SEPTIN2: variants seen among roughly 807,000 people sequenced by gnomAD.
SEPTIN2 encodes the protein septin 2.
SEPTIN2 carries 34 observed loss-of-function variants against 46.5 expected under a neutral mutation model. The observed-to-expected ratio is 0.73, with a 90% CI of 0.56 to 0.97. The LOEUF is 0.97. SEPTIN2 is among the 50% of genes least tolerant of loss of function. The probability of loss-of-function intolerance (pLI) is 0.00; values close to 1 mark genes in which losing one functional copy is unlikely to be tolerated. For synonymous variants in SEPTIN2, 175 were observed against 153.4 expected (o/e 1.14, Z -1.04); for missense variants, 347 against 448.4 (o/e 0.77, Z 2.04).
intron 2 of SEPTIN2, among the ~76,000 whole-genome samples, chr2:241,325,658 A>G (rs1188593555): frequency 6.6e-6 from 1 of 152,210 alleles, no homozygotes; most frequent in Non-Finnish European, 1.5e-5. Context: ...GGAACTCCAT[A>G]GTCTCTCAAG....
intron 3 of SEPTIN2, among the ~76,000 whole-genome samples, chr2:241,334,739 TGTG>T (rs1366993326): frequency 1.3e-5 from 2 of 152,174 alleles, no homozygotes; most frequent in Non-Finnish European, 2.9e-5. Context: ...TTTCTGAAAA[TGTG>T]GTGAGTTTAG....
At chr2:241,339,616 C>T (rs759480252) in intron 7 of SEPTIN2, among the ~76,000 whole-genome samples, 3 of 152,134 alleles carry the variant, frequency 2.0e-5, no homozygotes, top group Non-Finnish European at 4.4e-5. Context: ...GTCCAGTTTC[C>T]TGCTGATGAA....
chr2:241,326,775 G>A (rs2078044327), intron 3 of SEPTIN2, among the ~76,000 whole-genome samples: 1 of 152,208 alleles, frequency 6.6e-6, no homozygotes, highest in South Asian at 2.1e-4. Context: ...GCCAATGGCT[G>A]TGTAAGTGAC....
At chr2:241,316,424 G>T in intron 1 of SEPTIN2, 1 of 1,186,712 alleles carries the variant, frequency 8.4e-7, no homozygotes, top group Non-Finnish European at 1.1e-6. Context: ...TCCCTGAGGC[G>T]TGGAGGACTG....
At chr2:241,331,381 T>C (rs551713241) in intron 3 of SEPTIN2, among the ~76,000 whole-genome samples, 4 of 152,354 alleles carry the variant, frequency 2.6e-5, no homozygotes, top group South Asian at 2.1e-4. Context: ...GGAACTATTA[T>C]GCCCTTTCTC....
chr2:241,333,805 G>A (rs916003901), intron 3 of SEPTIN2, among the ~76,000 whole-genome samples: 1 of 152,178 alleles, frequency 6.6e-6, no homozygotes, highest in Non-Finnish European at 1.5e-5. Context: ...GCCCGGCTGT[G>A]CGTCTGCACA....
At chr2:241,333,795 G>A (rs769518452) in intron 3 of SEPTIN2, among the ~76,000 whole-genome samples, 24 of 152,192 alleles carry the variant, frequency 1.6e-4, no homozygotes, top group Non-Finnish European at 2.6e-4. Context: ...GGGCCACCGC[G>A]CCCGGCTGTG....
At chr2:241,342,424 C>T (rs2150135174) in intron 7 of SEPTIN2, among the ~76,000 whole-genome samples, 1 of 151,826 alleles carries the variant, frequency 6.6e-6, no homozygotes, top group South Asian at 2.1e-4. Flanking sequence ...GTTAGTCTTC[C>T]TGCTGCTTTG....
intron 10 of SEPTIN2, 73 bp downstream of exon 10, chr2:241,346,322 A>G: frequency 8.6e-7 from 1 of 1,167,988 alleles, no homozygotes; most frequent in Admixed American, 2.0e-5. Flanking sequence ...CTATGTGTTC[A>G]GCTCAGCCTT....
intron 3 of SEPTIN2, among the ~76,000 whole-genome samples, chr2:241,327,454 G>A (rs1342943752): frequency 6.7e-6 from 1 of 150,212 alleles, no homozygotes; most frequent in Non-Finnish European, 1.5e-5. Flanking sequence ...GTGTCCTTTG[G>A]TACATTGTGA....
rs1406641488 is a variant in SEPTIN2 at position 241,346,085 on chromosome 2, A to G, written c.843-81A>G. Reference sequence around the variant, plus strand: ...AATTTTAATTACTGCTATTTCTTCTATGTACTTGATGGGTGGTTTTTTTTC... The same window carrying G: ...AATTTTAATTACTGCTATTTCTTCTGTGTACTTGATGGGTGGTTTTTTTTC... On this transcript the variant is annotated intron_variant, in intron 9 of 12. Coordinates refer to ENST00000391971, the MANE Select transcript of SEPTIN2 (RefSeq NM_004404.5). 18 of 911,850 alleles carry G rather than the reference A, an allele frequency of 2.0e-5. No individual in the cohort carries two copies. The Middle Eastern group carries it at 7.0e-4, about 35-fold the overall frequency. 56.5% of individuals were successfully genotyped at this position (911,850 alleles called of 1,614,324 possible). A position where few individuals can be genotyped will look rare whatever the true frequency, so the allele number is the denominator to read the frequency against.
chr2:241,335,867 C>A, intron 4 of SEPTIN2, 108 bp from the exon 5 acceptor site: 1 of 1,398,504 alleles, frequency 7.2e-7, no homozygotes, highest in Non-Finnish European at 1.0e-6. Context: ...CTTTGGAGAA[C>A]CTACCTCTGT....
At chr2:241,348,034 T>TA in intron 10 of SEPTIN2, 100 bp from the exon 11 acceptor site, 1 of 902,290 alleles carries the variant, frequency 1.1e-6, no homozygotes, top group Non-Finnish European at 1.8e-6. Context: ...AGAGAAATGA[T>TA]AAATACATGT....
intron 4 of SEPTIN2, 65 bp downstream of exon 4, chr2:241,335,277 T>A: frequency 3.8e-6 from 6 of 1,583,596 alleles, no homozygotes; most frequent in Non-Finnish European, 5.2e-6. Flanking sequence ...ACTGCCTAAT[T>A]AATATTTTAT....
chr2:241,316,399 A>G lies in SEPTIN2; in HGVS notation c.-18+417A>G, dbSNP rs1575094400. The stretch of plus-strand genomic sequence containing the variant: ...GCTTGTGTGGCCATCTTGTCTTTCT[A>G]ACGGTGCCATTTCCTCCCTGAGGCG... On this transcript the variant is annotated intron_variant, in intron 1 of 12. Coordinates refer to ENST00000391971, the MANE Select transcript of SEPTIN2 (RefSeq NM_004404.5). The G allele has an allele frequency of 5.3e-6, 5 of 939,662 alleles. No homozygotes were observed. The East Asian group carries it at 1.3e-4, about 24-fold the overall frequency. The allele number at this position is 939,662 out of a possible 1,614,324, so 58.2% of individuals were successfully genotyped here.
intron 1 of SEPTIN2, among the ~76,000 whole-genome samples, chr2:241,321,167 GT>G (rs927839942): frequency 6.6e-6 from 1 of 152,050 alleles, no homozygotes; most frequent in African/African-American, 2.4e-5. Context: ...TAAATCAGAT[GT>G]ATTTGTTGTA....
At chr2:241,349,650 G>A (rs13428281) in intron 11 of SEPTIN2, among the ~76,000 whole-genome samples, 5,196 of 151,972 alleles carry the variant, frequency 0.034, 284 homozygotes, top group African/African-American at 0.12. Flanking sequence ...GTGAAACCCC[G>A]TCTCTACTGA....
In SEPTIN2 at chr2:241,350,085, C is replaced by G; in HGVS notation, c.997C>G (p.Gln333Glu). 4 of 1,614,010 alleles carry G rather than the reference C, an allele frequency of 2.5e-6. No individual in the cohort carries two copies. The highest frequency in any genetic ancestry group is 3.4e-6 in the Non-Finnish European group (4 of 1,179,934). Reference protein sequence around the residue: ...LEKEAELRRMQEMIARMQAQM... With the variant: ...LEKEAELRRMEEMIARMQAQM... ...TGTGTGTTCACAGCTCCGCCGCATG[C>G]AAGAGATGATTGCAAGGATGCAGGC... Residue 333 changes from glutamine (Q) to glutamate (E), a missense_variant, in exon 12 of 13, where the codon CAA becomes GAA. Transcript: ENST00000391971.
At chr2:241,331,920 A>C (rs542778052) in intron 3 of SEPTIN2, among the ~76,000 whole-genome samples, 1 of 152,286 alleles carries the variant, frequency 6.6e-6, no homozygotes, top group Admixed American at 6.5e-5. Flanking sequence ...TAATAAGTTC[A>C]ATTGTTTTTT....
Sources: allele counts gnomAD v4.1 joint callset (sites outside exome capture counted in the v4.1 genomes callset), GRCh38; gene constraint gnomAD v4.1.1; transcripts MANE v1.5; gene names NCBI Gene and HGNC (gene_info 2026-07-23, HGNC 2026-07-21).